The following BCKDHB variants were observed in gnomAD, a reference collection of about 807,000 sequenced individuals.
BCKDHB encodes 2-oxoisovalerate dehydrogenase subunit beta, mitochondrial.
A neutral mutation model predicts 48.5 loss-of-function variants in BCKDHB; 41 were observed. The ratio of observed to expected loss-of-function variants is 0.85; its 90% confidence interval spans 0.66 to 1.10. The LOEUF (loss-of-function observed/expected upper bound fraction) is 1.10. BCKDHB is among the 50% of genes least tolerant of loss of function. BCKDHB has a pLI of 0.00. For synonymous variants in BCKDHB, 201 were observed against 174.8 expected (o/e 1.15, Z -1.18); for missense variants, 496 against 494.2 (o/e 1.00, Z -0.03).
intron 9 of BCKDHB, among the ~76,000 whole-genome samples, chr6:80,309,299 A>T (rs185386406): frequency 6.6e-6 from 1 of 151,772 alleles, no homozygotes; most frequent in Non-Finnish European, 1.5e-5. Flanking sequence ...TCCTGACCTC[A>T]GGTGATCTGC....
intron 8 of BCKDHB, among the ~76,000 whole-genome samples, chr6:80,222,716 C>T (rs1161448783): frequency 6.6e-6 from 1 of 152,124 alleles, no homozygotes; most frequent in Admixed American, 6.6e-5. Context: ...TTATCTATTT[C>T]TCTCTAAGAG....
chr6:80,266,876 C>A lies in BCKDHB; in HGVS notation c.952-6259C>A, dbSNP rs114524582. On this transcript the variant is annotated intron_variant, in intron 8 of 9. Coordinates refer to ENST00000320393, the MANE Select transcript of BCKDHB (RefSeq NM_183050.4). Reference sequence around the variant, plus strand: ...AATATAAGCAACATTTATTGAGCGGCCACATATACAATGTATTAGGTATTC... The same window carrying A: ...AATATAAGCAACATTTATTGAGCGGACACATATACAATGTATTAGGTATTC... Among the ~76,000 whole-genome samples, 311 of 152,054 alleles carry A rather than the reference C, an allele frequency of 2.0e-3. 3 individuals carry two copies. Among genetic ancestry groups the A allele is most frequent in the African/African-American group, 7.4e-3 (306 of 41,488 alleles).
At chr6:80,116,405 C>T (rs569700568) in intron 1 of BCKDHB, among the ~76,000 whole-genome samples, 1 of 152,146 alleles carries the variant, frequency 6.6e-6, no homozygotes, top group Non-Finnish European at 1.5e-5. Flanking sequence ...TGTGTTCATT[C>T]ATTCATTCAA....
chr6:80,460,018 A>G, the BCKDHB span, among the ~76,000 whole-genome samples: 1 of 152,254 alleles, frequency 6.6e-6, no homozygotes, highest in African/African-American at 2.4e-5. Flanking sequence ...ATAGTTTTTG[A>G]GGATTGTTCC....
the BCKDHB span, among the ~76,000 whole-genome samples, chr6:80,372,861 T>C: frequency 6.6e-6 from 1 of 152,174 alleles, no homozygotes; most frequent in Admixed American, 6.6e-5. Flanking sequence ...TAGTATTTTG[T>C]TGAGGATTTT....
intron 8 of BCKDHB, among the ~76,000 whole-genome samples, chr6:80,233,533 T>C (rs1019371179): frequency 4.6e-5 from 7 of 152,194 alleles, no homozygotes; most frequent in African/African-American, 1.7e-4. Flanking sequence ...TTCCTGCTGG[T>C]TTTCAGAATC....
At chr6:80,411,203 C>T in the BCKDHB span, among the ~76,000 whole-genome samples, 1 of 152,200 alleles carries the variant, frequency 6.6e-6, no homozygotes, top group African/African-American at 2.4e-5. Flanking sequence ...ACAGGCCCCT[C>T]AGCTGCAGGT....
At chr6:80,304,966 G>T (rs1175311197) in intron 9 of BCKDHB, among the ~76,000 whole-genome samples, 1 of 152,044 alleles carries the variant, frequency 6.6e-6, no homozygotes, top group East Asian at 1.9e-4. Flanking sequence ...AATATTGGAA[G>T]CATTAGCTTT....
At chr6:80,369,820 A>T in the BCKDHB span, among the ~76,000 whole-genome samples, 1 of 152,202 alleles carries the variant, frequency 6.6e-6, no homozygotes, top group Non-Finnish European at 1.5e-5. Flanking sequence ...CAACCTTTCC[A>T]TTCAAACCTG....
chr6:80,127,894 C>T (rs1348057141), intron 2 of BCKDHB, among the ~76,000 whole-genome samples: 4 of 152,128 alleles, frequency 2.6e-5, no homozygotes, highest in Non-Finnish European at 5.9e-5. Flanking sequence ...CTGCTGTGTA[C>T]TCCTGTTTCT....
chr6:80,214,228 A>T (rs188077848), intron 8 of BCKDHB, among the ~76,000 whole-genome samples: 29 of 152,206 alleles, frequency 1.9e-4, no homozygotes, highest in African/African-American at 7.0e-4. Flanking sequence ...AAGTTTGTTT[A>T]CTCTTTGCAT....
At chr6:80,209,380 A>G (rs907385155) in intron 8 of BCKDHB, among the ~76,000 whole-genome samples, 7 of 151,982 alleles carry the variant, frequency 4.6e-5, no homozygotes, top group Non-Finnish European at 7.4e-5. Flanking sequence ...AAGGCCAAGA[A>G]GAGCCAGAGC....
the BCKDHB span, among the ~76,000 whole-genome samples, chr6:80,389,231 C>T: frequency 6.6e-6 from 1 of 150,662 alleles, no homozygotes; most frequent in African/African-American, 2.5e-5. Context: ...CTAATGGGCC[C>T]ACGAACAAAA....
chr6:80,433,539 C>A, the BCKDHB span, among the ~76,000 whole-genome samples: 2 of 152,202 alleles, frequency 1.3e-5, no homozygotes, highest in African/African-American at 4.8e-5. Context: ...AGGTTGATCT[C>A]AGACTGCTGC....
At chr6:80,277,245 T>G (rs915008690) in intron 9 of BCKDHB, among the ~76,000 whole-genome samples, 4 of 152,114 alleles carry the variant, frequency 2.6e-5, no homozygotes, top group African/African-American at 9.6e-5. Flanking sequence ...TTCAGAAAAT[T>G]ATATGAATGA....
At chr6:80,370,939 G>T in the BCKDHB span, among the ~76,000 whole-genome samples, 1 of 151,944 alleles carries the variant, frequency 6.6e-6, no homozygotes, top group Non-Finnish European at 1.5e-5. Context: ...AAATTGTGCT[G>T]CTATAAACAT....
the BCKDHB span, chr6:80,373,929 A>C: frequency 8.8e-6 from 4 of 456,672 alleles, no homozygotes; most frequent in Non-Finnish European, 1.6e-5. Flanking sequence ...TGGAAACAGC[A>C]GATATTTGTT....
Position 80,181,395 on chromosome 6 carries a change from A to C in BCKDHB, c.742+10005A>C, listed in dbSNP as rs2490244. Among the ~76,000 whole-genome samples the C allele has an allele frequency of 5.2e-3, 796 of 152,068 alleles. 9 individuals carry two copies. Among genetic ancestry groups the C allele is most frequent in the African/African-American group, 0.018 (764 of 41,506 alleles). ...CATTATAAAGGTAACACATACTCTG[A>C]CTGTCAGCCATCGATGCTTAACAGG... is the stretch of plus-strand genomic sequence containing the variant. On this transcript the variant is annotated intron_variant, in intron 6 of 9. Coordinates refer to ENST00000320393, the MANE Select transcript of BCKDHB (RefSeq NM_183050.4).
chr6:80,438,126 C>T, the BCKDHB span, among the ~76,000 whole-genome samples: 1 of 152,330 alleles, frequency 6.6e-6, no homozygotes, highest in Admixed American at 6.5e-5. Context: ...AGGCAAATTG[C>T]ACTATTATCT....
Sources: gnomAD v4.1 joint callset for allele counts (sites outside exome capture counted in the v4.1 genomes callset) on GRCh38, gnomAD v4.1.1 for gene constraint, MANE v1.5 for transcripts, NCBI Gene and HGNC (gene_info 2026-07-23, HGNC 2026-07-21) for gene names.